NOS1AP: variants seen among roughly 807,000 people sequenced by gnomAD.
NOS1AP encodes the protein carboxyl-terminal PDZ ligand of neuronal nitric oxide synthase protein.
NOS1AP carries 21 observed loss-of-function variants against 56.2 expected under a neutral mutation model. That is an observed-to-expected ratio of 0.37 (90% confidence interval 0.26 to 0.54). The LOEUF (loss-of-function observed/expected upper bound fraction) is 0.54. Ranked by LOEUF, NOS1AP falls within the 20% of genes least tolerant of loss-of-function variation. NOS1AP has a pLI of 0.84. For missense variants in NOS1AP, 522 were observed against 657.8 expected (o/e 0.79, Z 2.26); for synonymous variants, 270 against 274.6 (o/e 0.98, Z 0.17).
At chr1:162,201,529 C>T (rs930067694) in intron 2 of NOS1AP, among the ~76,000 whole-genome samples, 4 of 152,208 alleles carry the variant, frequency 2.6e-5, no homozygotes, top group Admixed American at 1.3e-4. Flanking sequence ...ATTGCCACAC[C>T]GTCTTCCATA....
chr1:162,341,254 G>A (rs775376902), intron 5 of NOS1AP, among the ~76,000 whole-genome samples: 7 of 152,160 alleles, frequency 4.6e-5, no homozygotes, highest in East Asian at 3.9e-4. Flanking sequence ...TTTGTAACAC[G>A]TCCTCCTTAG....
chr1:162,111,133 G>A (rs2102040461), intron 1 of NOS1AP, among the ~76,000 whole-genome samples: 1 of 152,332 alleles, frequency 6.6e-6, no homozygotes, highest in African/African-American at 2.4e-5. Context: ...GTAAAACTGG[G>A]CAATGTGACA....
intron 2 of NOS1AP, among the ~76,000 whole-genome samples, chr1:162,237,895 T>TG (rs1653356952): frequency 1.3e-5 from 2 of 151,116 alleles, no homozygotes; most frequent in Non-Finnish European, 3.0e-5. Flanking sequence ...GACACATGAG[T>TG]CCTTTGCTGT....
intron 2 of NOS1AP, among the ~76,000 whole-genome samples, chr1:162,189,171 C>G (rs951093728): frequency 7.9e-5 from 12 of 151,870 alleles, no homozygotes; most frequent in African/African-American, 2.9e-4. Flanking sequence ...GTCATTTTAC[C>G]TTACAATAGG....
At chr1:162,326,414 G>A (rs188744116) in intron 4 of NOS1AP, among the ~76,000 whole-genome samples, 7 of 152,342 alleles carry the variant, frequency 4.6e-5, no homozygotes, top group Admixed American at 3.9e-4. Context: ...GCTGTGTTAG[G>A]ATTCTCCAGT....
At chr1:162,145,062 G>A (rs756213278) in intron 1 of NOS1AP, among the ~76,000 whole-genome samples, 1 of 152,132 alleles carries the variant, frequency 6.6e-6, no homozygotes, top group Non-Finnish European at 1.5e-5. Context: ...CACATTCATC[G>A]GCCCCTGCTG....
chr1:162,171,666 C>T (rs1210342010), intron 2 of NOS1AP, among the ~76,000 whole-genome samples: 1 of 152,156 alleles, frequency 6.6e-6, no homozygotes, highest in Non-Finnish European at 1.5e-5. Flanking sequence ...AGGCCCTCAC[C>T]CTTTATTAAG....
At chr1:162,346,068 G>A (rs902919813) in intron 6 of NOS1AP, among the ~76,000 whole-genome samples, 1 of 152,174 alleles carries the variant, frequency 6.6e-6, no homozygotes, top group African/African-American at 2.4e-5. Flanking sequence ...AGATGTGTTT[G>A]CAAATTTAGT....
chr1:162,199,156 C>T (rs1262451743), intron 2 of NOS1AP, among the ~76,000 whole-genome samples: 1 of 152,162 alleles, frequency 6.6e-6, no homozygotes, highest in Non-Finnish European at 1.5e-5. Flanking sequence ...GACCATCAAA[C>T]CTCCTTGAGT....
chr1:162,198,819 T>A (rs542251955), intron 2 of NOS1AP, among the ~76,000 whole-genome samples: 20 of 152,086 alleles, frequency 1.3e-4, no homozygotes, highest in Admixed American at 4.6e-4. Context: ...AGCTTAGGAG[T>A]GAGGCTGGAG....
chr1:162,278,086 A>G (rs1161413525), intron 2 of NOS1AP, among the ~76,000 whole-genome samples: 1 of 152,190 alleles, frequency 6.6e-6, no homozygotes, highest in Admixed American at 6.5e-5. Flanking sequence ...ATCTGTCTGC[A>G]TCCTTTCTGC....
chr1:162,335,780 C>T (rs899707665), intron 5 of NOS1AP, among the ~76,000 whole-genome samples: 2 of 152,166 alleles, frequency 1.3e-5, no homozygotes, highest in African/African-American at 2.4e-5. Context: ...ATGTCCCCTG[C>T]GTATATGCTC....
intron 4 of NOS1AP, among the ~76,000 whole-genome samples, chr1:162,311,360 A>G (rs989487529): frequency 6.6e-6 from 1 of 152,130 alleles, no homozygotes; most frequent in Non-Finnish European, 1.5e-5. Context: ...CTGAAGGGAA[A>G]GTTCTGGGTT....
At chr1:162,235,526 C>T (rs1369506573) in intron 2 of NOS1AP, among the ~76,000 whole-genome samples, 1 of 152,198 alleles carries the variant, frequency 6.6e-6, no homozygotes, top group South Asian at 2.1e-4. Context: ...TTGTCAAAGG[C>T]TCTTGCTGGT....
chr1:162,173,296 T>A (rs547921293), intron 2 of NOS1AP, among the ~76,000 whole-genome samples: 1 of 152,208 alleles, frequency 6.6e-6, no homozygotes, highest in South Asian at 2.1e-4. Context: ...ACAGCTGTCC[T>A]CCACTCTCCT....
chr1:162,324,155 A>AGC (rs1389702112), intron 4 of NOS1AP, among the ~76,000 whole-genome samples: 8 of 32,446 alleles, frequency 2.5e-4, no homozygotes, highest in African/African-American at 8.4e-4. Flanking sequence ...CTCTGAGCAC[A>AGC]ACCCTCAGGA....
intron 1 of NOS1AP, among the ~76,000 whole-genome samples, chr1:162,078,522 G>A (rs772145511): frequency 3.3e-5 from 5 of 152,082 alleles, no homozygotes; most frequent in Non-Finnish European, 5.9e-5. Flanking sequence ...ACCCTGGCTG[G>A]TCCATCACCC....
chr1:162,341,235 A>T (rs1294021457), intron 5 of NOS1AP, among the ~76,000 whole-genome samples: 1 of 152,226 alleles, frequency 6.6e-6, no homozygotes, highest in Non-Finnish European at 1.5e-5. Context: ...ATTTACAGAG[A>T]TGATGGAATT....
At chr1:162,285,930 A>G (rs1245752974) in intron 2 of NOS1AP, among the ~76,000 whole-genome samples, 1 of 152,212 alleles carries the variant, frequency 6.6e-6, no homozygotes, top group Non-Finnish European at 1.5e-5. Context: ...GACAACGTGA[A>G]GAAGGATCTC....
Sources: gnomAD v4.1 joint callset for allele counts (sites outside exome capture counted in the v4.1 genomes callset) on GRCh38, gnomAD v4.1.1 for gene constraint, MANE v1.5 for transcripts, NCBI Gene and HGNC (gene_info 2026-07-23, HGNC 2026-07-21) for gene names.